MUC7: variants seen among roughly 807,000 people sequenced by gnomAD.
MUC7 encodes the protein mucin-7.
In MUC7, 2 loss-of-function variants were observed where a neutral mutation model predicts 2.5. The observed-to-expected ratio is 0.81, with a 90% CI of 0.33 to 2.55. The LOEUF (loss-of-function observed/expected upper bound fraction) is 2.55, where lower values mean the gene tolerates loss of function less well. Among genes scored for constraint, MUC7 ranks in the 30% most tolerant of loss-of-function variants. MUC7 has a pLI of 0.11. For missense variants in MUC7, 408 were observed against 455.6 expected, an observed-to-expected ratio of 0.90 and a Z score of 0.95; for synonymous variants, 133 against 173.4, an observed-to-expected ratio of 0.77 and a Z score of 1.83.
At chr4:70,431,826 C>T (rs1208456827) in intron 1 of MUC7, among the ~76,000 whole-genome samples, 9 of 152,020 alleles carry the variant, frequency 5.9e-5, no homozygotes, top group Admixed American at 5.9e-4. Context: ...TATACATGTG[C>T]CATGTTGGTG....
chr4:70,439,775 C>T (rs17320887), intron 1 of MUC7, among the ~76,000 whole-genome samples: 2,338 of 151,994 alleles, frequency 0.015, 36 homozygotes, highest in South Asian at 0.039. Context: ...GAATGAAATG[C>T]ATTTTGTTAA....
At chr4:70,456,152 G>A (rs990972352) in intron 1 of MUC7, among the ~76,000 whole-genome samples, 7 of 152,008 alleles carry the variant, frequency 4.6e-5, no homozygotes, top group East Asian at 3.9e-4. Flanking sequence ...ACCCAGTTCC[G>A]AAGTCACTTC....
chr4:70,444,992 C>T (rs924438864), intron 1 of MUC7, among the ~76,000 whole-genome samples: 2 of 152,156 alleles, frequency 1.3e-5, no homozygotes, highest in Admixed American at 6.5e-5. Context: ...GAGGAGGTTG[C>T]ACCACTCTAC....
chr4:70,449,178 T>A (rs922463655), intron 1 of MUC7, among the ~76,000 whole-genome samples: 1 of 151,962 alleles, frequency 6.6e-6, no homozygotes, highest in Non-Finnish European at 1.5e-5. Context: ...TGAGTAGGAG[T>A]TGGGTATTTA....
upstream of MUC7, among the ~76,000 whole-genome samples, chr4:70,469,558 C>T (rs1734777867): frequency 6.6e-6 from 1 of 152,082 alleles, no homozygotes; most frequent in Admixed American, 6.6e-5. Flanking sequence ...AACAAATTTA[C>T]AAGAAAAAAG....
chr4:70,482,100 A>G lies in MUC7; in HGVS notation c.*222A>G. 1.8e-6 allele frequency: 1 copy of G among 569,956 alleles called. No homozygotes were observed. Among genetic ancestry groups the G allele is most frequent in the Non-Finnish European group, 3.0e-6 (1 of 331,990 alleles). The allele number at this position is 569,956 out of a possible 1,614,324, so 35.3% of individuals were successfully genotyped here. On this transcript the variant is annotated 3_prime_UTR_variant, in exon 3 of 3. Coordinates refer to ENST00000304887, the MANE Select transcript of MUC7 (RefSeq NM_152291.3). The stretch of plus-strand genomic sequence containing the variant: ...AGATGCAGGTCTGGGGTTCAAAATA[A>G]CTCTTTGGATCCTACAGAGATAGCC...
intron 1 of MUC7, among the ~76,000 whole-genome samples, chr4:70,464,716 G>A (rs78869315): frequency 0.027 from 4,157 of 152,122 alleles, 196 homozygotes; most frequent in African/African-American, 0.094. Flanking sequence ...CTCTAGGCAC[G>A]GCATCTCTGA....
At chr4:70,444,595 A>T (rs1296835637) in intron 1 of MUC7, among the ~76,000 whole-genome samples, 6 of 152,188 alleles carry the variant, frequency 3.9e-5, no homozygotes, top group Non-Finnish European at 7.3e-5. Flanking sequence ...TTGATGATGC[A>T]TCTTTTTTTA....
intron 1 of MUC7, among the ~76,000 whole-genome samples, chr4:70,433,600 G>C (rs1733740942): frequency 6.6e-6 from 1 of 152,286 alleles, no homozygotes; most frequent in East Asian, 1.9e-4. Context: ...TGCTGAAGTT[G>C]CTTATCAGCT....
upstream of MUC7, among the ~76,000 whole-genome samples, chr4:70,468,584 G>A (rs1734740811): frequency 6.6e-6 from 1 of 152,060 alleles, no homozygotes; most frequent in Non-Finnish European, 1.5e-5. Flanking sequence ...AAATCAATGG[G>A]CAAAAATCAC....
At chr4:70,439,448 G>A (rs566736374) in intron 1 of MUC7, among the ~76,000 whole-genome samples, 1 of 152,176 alleles carries the variant, frequency 6.6e-6, no homozygotes, top group Non-Finnish European at 1.5e-5. Flanking sequence ...TCTGCCTCCT[G>A]TTTGGAGATA....
rs1447931099 is a variant in MUC7, at chr4:70,474,083, T to A, written c.54+8T>A. 1.2e-6 allele frequency: 2 copies of A among 1,611,454 alleles called. No individual in the cohort carries two copies. The highest frequency in any genetic ancestry group is 2.7e-5 in the African/African-American group (2 of 74,838). ...CTGAGTGCTTGCTTCTCGGTAAGTA[T>A]TCACCCAAATAAGTTTTTTCCTTAA... On this transcript the variant is annotated splice_region_variant and intron_variant, in intron 2 of 2. Transcript: ENST00000304887.
chr4:70,475,519 G>A (rs1734973267), intron 2 of MUC7, among the ~76,000 whole-genome samples: 1 of 152,058 alleles, frequency 6.6e-6, no homozygotes, highest in Admixed American at 6.6e-5. Flanking sequence ...AGAGAAAATG[G>A]AGGACCCACA....
At chr4:70,453,936 G>T (rs1413446909) in intron 1 of MUC7, among the ~76,000 whole-genome samples, 2 of 152,160 alleles carry the variant, frequency 1.3e-5, no homozygotes, top group Non-Finnish European at 1.5e-5. Context: ...TAGAAACGTT[G>T]TCCAGGAGGT....
intron 1 of MUC7, among the ~76,000 whole-genome samples, chr4:70,453,701 C>T (rs930059575): frequency 2.6e-5 from 4 of 152,166 alleles, no homozygotes; most frequent in African/African-American, 9.6e-5. Context: ...AGGAGTCTCT[C>T]ACCATAGCCA....
intron 1 of MUC7, among the ~76,000 whole-genome samples, chr4:70,453,394 TA>T (rs539766116): frequency 6.6e-6 from 1 of 152,308 alleles, no homozygotes; most frequent in Admixed American, 6.5e-5. Flanking sequence ...GGAGGAGTTT[TA>T]CCCCACAGCC....
At chr4:70,433,801 C>G (rs954618798) in intron 1 of MUC7, among the ~76,000 whole-genome samples, 3 of 152,110 alleles carry the variant, frequency 2.0e-5, no homozygotes, top group Admixed American at 1.3e-4. Context: ...CCATCTTGTG[C>G]CAGTTTTCAA....
intron 1 of MUC7, among the ~76,000 whole-genome samples, chr4:70,435,802 G>A (rs908779626): frequency 6.6e-6 from 1 of 152,172 alleles, no homozygotes; most frequent in African/African-American, 2.4e-5. Context: ...AGCATCAATG[G>A]TCTTTACACT....
chr4:70,467,264 T>G (rs934894231), upstream of MUC7, among the ~76,000 whole-genome samples: 2 of 152,130 alleles, frequency 1.3e-5, no homozygotes, highest in African/African-American at 4.8e-5. Flanking sequence ...AAAGCAGTGT[T>G]TGGAGGGAAA....
Sources: gnomAD v4.1 joint callset for allele counts (sites outside exome capture counted in the v4.1 genomes callset) on GRCh38, gnomAD v4.1.1 for gene constraint, MANE v1.5 for transcripts, NCBI Gene and HGNC (gene_info 2026-07-23, HGNC 2026-07-21) for gene names.